HPSE2: variants seen among roughly 807,000 people sequenced by gnomAD.
HPSE2 encodes inactive heparanase-2.
A neutral mutation model predicts 60.5 loss-of-function variants in HPSE2; 38 were observed. That is an observed-to-expected ratio of 0.63 (90% CI 0.48 to 0.82). The LOEUF is 0.82. Ranked by LOEUF, HPSE2 falls within the 40% of genes least tolerant of loss-of-function variation. The pLI is 0.00. For synonymous variants in HPSE2, 295 were observed against 293.2 expected (o/e 1.01, Z -0.06); for missense variants, 713 against 740.4 (o/e 0.96, Z 0.43).
intron 3 of HPSE2, among the ~76,000 whole-genome samples, chr10:98,796,632 G>A (rs372583291): frequency 6.6e-6 from 1 of 152,222 alleles, no homozygotes; most frequent in Non-Finnish European, 1.5e-5. Flanking sequence ...AAGCTGGTTA[G>A]CTTCACCACT....
chr10:98,475,267 G>A (rs982748260), intron 11 of HPSE2, among the ~76,000 whole-genome samples: 2 of 151,886 alleles, frequency 1.3e-5, no homozygotes, highest in Non-Finnish European at 2.9e-5. Context: ...ACAGGCACCC[G>A]CCACCATGCC....
At chr10:99,035,040 C>T (rs1957579643) in intron 3 of HPSE2, among the ~76,000 whole-genome samples, 1 of 152,168 alleles carries the variant, frequency 6.6e-6, no homozygotes, top group Non-Finnish European at 1.5e-5. Flanking sequence ...TTGTACACTA[C>T]TGTAGAGTTT....
chr10:98,926,366 A>C (rs907228191), intron 3 of HPSE2, among the ~76,000 whole-genome samples: 1 of 152,180 alleles, frequency 6.6e-6, no homozygotes, highest in Non-Finnish European at 1.5e-5. Context: ...GATGGTAGTG[A>C]AACAGAATTT....
In HPSE2 at chr10:98,500,524, C is replaced by T. The variant is rs139340080; in HGVS notation, c.1321-10328G>A. ...CAAACCCTCTGGGATACAGCAAAGGCGGTGCTAAGAGGAAAGTTCATAGCC... is the reference window on the plus strand; with the variant it reads ...CAAACCCTCTGGGATACAGCAAAGGTGGTGCTAAGAGGAAAGTTCATAGCC... On this transcript the variant is annotated intron_variant, in intron 9 of 11. Transcript: ENST00000370552. Among the ~76,000 whole-genome samples the T allele has an allele frequency of 4.3e-4, 65 of 152,194 alleles. No individual in the cohort carries two copies. The East Asian group carries it at 0.011, about 26-fold the overall frequency.
intron 2 of HPSE2, among the ~76,000 whole-genome samples, chr10:99,156,485 G>A (rs1161603698): frequency 9.7e-5 from 13 of 133,772 alleles, no homozygotes; most frequent in South Asian, 2.7e-4. Flanking sequence ...TATAAACAGA[G>A]CCAAAGACAA....
intron 2 of HPSE2, among the ~76,000 whole-genome samples, chr10:99,222,754 C>A (rs576345563): frequency 6.6e-6 from 1 of 152,272 alleles, no homozygotes; most frequent in East Asian, 1.9e-4. Context: ...TGTTGTTCTA[C>A]TCCTTCAACA....
intron 9 of HPSE2, among the ~76,000 whole-genome samples, chr10:98,600,597 G>T (rs1029664113): frequency 6.6e-6 from 1 of 151,780 alleles, no homozygotes; most frequent in Non-Finnish European, 1.5e-5. Context: ...TCCTCCTCAT[G>T]GAGAAGGAGG....
chr10:99,221,419 C>T (rs1019947701), intron 2 of HPSE2, among the ~76,000 whole-genome samples: 1 of 152,044 alleles, frequency 6.6e-6, no homozygotes, highest in Non-Finnish European at 1.5e-5. Context: ...TCTCACAGTG[C>T]CCTATAATCT....
At chr10:99,280,614 C>T in the HPSE2 span, among the ~76,000 whole-genome samples, 1 of 152,166 alleles carries the variant, frequency 6.6e-6, no homozygotes, top group African/African-American at 2.4e-5. Context: ...ATAAAAGCAC[C>T]TCTGACCAAA....
chr10:98,520,629 C>T (rs1262250373), intron 9 of HPSE2, among the ~76,000 whole-genome samples: 1 of 152,126 alleles, frequency 6.6e-6, no homozygotes, highest in Non-Finnish European at 1.5e-5. Flanking sequence ...TATCTAATGG[C>T]TTTTAGGACA....
intron 3 of HPSE2, among the ~76,000 whole-genome samples, chr10:98,822,033 A>C (rs1166118189): frequency 1.3e-5 from 2 of 152,214 alleles, no homozygotes; most frequent in Non-Finnish European, 2.9e-5. Flanking sequence ...TATGGTCCCA[A>C]TAATAAACTG....
chr10:98,901,712 T>C (rs1292738515), intron 3 of HPSE2, among the ~76,000 whole-genome samples: 1 of 152,210 alleles, frequency 6.6e-6, no homozygotes, highest in African/African-American at 2.4e-5. Context: ...TTATATAACA[T>C]GTGCTCTGAG....
intron 5 of HPSE2, among the ~76,000 whole-genome samples, chr10:98,695,775 G>C (rs1013246450): frequency 6.6e-6 from 1 of 152,038 alleles, no homozygotes; most frequent in African/African-American, 2.4e-5. Flanking sequence ...AATCTCTTTT[G>C]GGTTTGGGAG....
chr10:98,968,121 C>T (rs921678861), intron 3 of HPSE2, among the ~76,000 whole-genome samples: 4 of 152,068 alleles, frequency 2.6e-5, no homozygotes, highest in African/African-American at 7.2e-5. Context: ...GGAAGCTTGA[C>T]AGATTTCTAA....
intron 3 of HPSE2, among the ~76,000 whole-genome samples, chr10:98,814,192 G>GT (rs1212518099): frequency 4.0e-5 from 6 of 151,344 alleles, no homozygotes; most frequent in Non-Finnish European, 8.8e-5. Context: ...TTGATACTGA[G>GT]TTTTTTAATG....
At chr10:98,703,812 A>G (rs1589672968) in intron 5 of HPSE2, among the ~76,000 whole-genome samples, 1 of 152,308 alleles carries the variant, frequency 6.6e-6, no homozygotes, top group Admixed American at 6.5e-5. Context: ...AGCCAATATC[A>G]TACTGAATGG....
intron 3 of HPSE2, among the ~76,000 whole-genome samples, chr10:99,030,435 T>TA (rs1172844782): frequency 6.6e-6 from 1 of 152,154 alleles, no homozygotes; most frequent in Non-Finnish European, 1.5e-5. Context: ...AAATGAAAAC[T>TA]ACAATGAGAT....
chr10:99,010,817 GCA>G (rs1339677588), intron 3 of HPSE2, among the ~76,000 whole-genome samples: 2 of 152,078 alleles, frequency 1.3e-5, no homozygotes, highest in African/African-American at 4.8e-5. Flanking sequence ...AATATTAATT[GCA>G]CAATTTCAGA....
intron 7 of HPSE2, among the ~76,000 whole-genome samples, chr10:98,622,519 A>G (rs970448690): frequency 3.3e-5 from 5 of 152,156 alleles, no homozygotes; most frequent in African/African-American, 1.2e-4. Flanking sequence ...TCAACAATCA[A>G]TCATATTCCT....
Sources: allele counts gnomAD v4.1 joint callset (sites outside exome capture counted in the v4.1 genomes callset), GRCh38; gene constraint gnomAD v4.1.1; transcripts MANE v1.5; gene names NCBI Gene and HGNC (gene_info 2026-07-23, HGNC 2026-07-21).